Variants in MEIS2 observed in about 807,000 individuals in gnomAD.
MEIS2 encodes the protein Meis homeobox 2, also known as homeobox protein Meis2.
Under a neutral mutation model 58.6 loss-of-function variants are expected in MEIS2, and 9 were observed. That is an observed-to-expected ratio of 0.15 (90% CI 0.09 to 0.27). The LOEUF (loss-of-function observed/expected upper bound fraction) is 0.27, where lower values mean the gene tolerates loss of function less well. Ranked by LOEUF, MEIS2 falls within the 10% of genes least tolerant of loss-of-function variation. The probability of loss-of-function intolerance (pLI) is 1.00; values close to 1 mark genes in which losing one functional copy is unlikely to be tolerated. For synonymous variants in MEIS2, 221 were observed against 228.4 expected (o/e 0.97, Z 0.29); for missense variants, 427 against 635.0 (o/e 0.67, Z 3.52).
At chr15:36,995,706 TAAAAAAAAAAA>T (rs71821151) in intron 8 of MEIS2, among the ~76,000 whole-genome samples, 1 of 4,122 alleles carries the variant, frequency 2.4e-4, no homozygotes, top group Non-Finnish European at 3.8e-4. Context: ...TTACAGCTAC[TAAAAAAAAAAA>T]AAAAAAAAAA....
At chr15:37,017,446 G>C (rs1012083501) in intron 8 of MEIS2, among the ~76,000 whole-genome samples, 2 of 152,040 alleles carry the variant, frequency 1.3e-5, no homozygotes, top group Non-Finnish European at 2.9e-5. Context: ...TCTACTAAGA[G>C]TAAAACATTT....
chr15:37,005,312 G>C (rs1368965688), intron 8 of MEIS2, among the ~76,000 whole-genome samples: 1 of 152,150 alleles, frequency 6.6e-6, no homozygotes, highest in African/African-American at 2.4e-5. Flanking sequence ...GATAAAAAAC[G>C]AATATGAGAA....
At chr15:37,073,706 A>T (rs987955406) in intron 7 of MEIS2, among the ~76,000 whole-genome samples, 1 of 151,988 alleles carries the variant, frequency 6.6e-6, no homozygotes, top group Admixed American at 6.6e-5. Context: ...CATTTAGTAC[A>T]TGGAAATTTT....
chr15:37,077,422 G>T (rs1364263048), intron 7 of MEIS2, among the ~76,000 whole-genome samples: 9 of 152,166 alleles, frequency 5.9e-5, no homozygotes, highest in Admixed American at 5.2e-4. Context: ...TTCATGCTTT[G>T]ATTTTCTCCA....
chr15:37,005,769 G>C (rs890158894), intron 8 of MEIS2, among the ~76,000 whole-genome samples: 1 of 152,090 alleles, frequency 6.6e-6, no homozygotes, highest in African/African-American at 2.4e-5. Flanking sequence ...ATGTTGCCCA[G>C]GCTGGTCTCA....
At chr15:36,909,258 G>A (rs901674273) in intron 9 of MEIS2, among the ~76,000 whole-genome samples, 2 of 151,982 alleles carry the variant, frequency 1.3e-5, no homozygotes, top group African/African-American at 4.8e-5. Context: ...GCCCAACACA[G>A]TACTTATTCA....
chr15:37,004,075 T>A (rs1013463621), intron 8 of MEIS2, among the ~76,000 whole-genome samples: 4 of 152,226 alleles, frequency 2.6e-5, no homozygotes, highest in African/African-American at 4.8e-5. Flanking sequence ...TTTCCTTAAC[T>A]GACATGAGAA....
At chr15:36,961,584 A>G (rs534175971) in intron 8 of MEIS2, among the ~76,000 whole-genome samples, 1 of 152,296 alleles carries the variant, frequency 6.6e-6, no homozygotes, top group South Asian at 2.1e-4. Flanking sequence ...CATGCTGATA[A>G]TATGTTTATA....
intron 9 of MEIS2, among the ~76,000 whole-genome samples, chr15:36,926,722 A>G (rs545058158): frequency 2.6e-5 from 4 of 152,260 alleles, no homozygotes; most frequent in African/African-American, 9.6e-5. Context: ...TTGCTTTCCT[A>G]CTTTTGCATT....
intron 8 of MEIS2, among the ~76,000 whole-genome samples, chr15:36,986,673 A>G (rs999949517): frequency 6.6e-6 from 1 of 152,164 alleles, no homozygotes; most frequent in East Asian, 1.9e-4. Flanking sequence ...ACCGAGTCCC[A>G]ACTCCACAAG....
intron 7 of MEIS2, among the ~76,000 whole-genome samples, chr15:37,051,504 C>T (rs1179674074): frequency 7.2e-5 from 11 of 152,062 alleles, no homozygotes; most frequent in Admixed American, 6.6e-4. Flanking sequence ...GAAATTTTGG[C>T]GTAATGATGG....
chr15:37,050,504 A>T (rs551465144), intron 7 of MEIS2, among the ~76,000 whole-genome samples: 21 of 152,220 alleles, frequency 1.4e-4, no homozygotes, highest in Admixed American at 3.3e-4. Flanking sequence ...ATTAACTTGT[A>T]AGATACACTC....
rs545364081 is a variant in MEIS2, at chr15:36,891,399, C to T, written c.*774G>A. ...AAAGTCCTAGTTATGGTTCAATGAC[C>T]ATTAATAACTTTTTTTTGTGTTGAG... On this transcript the variant is annotated 3_prime_UTR_variant, in exon 12 of 12. Coordinates refer to ENST00000561208, the MANE Select transcript of MEIS2 (RefSeq NM_170675.5). 12 of 119,768 alleles carry T rather than the reference C, an allele frequency of 1.0e-4. No homozygotes were observed. Among genetic ancestry groups the T allele is most frequent in the African/African-American group, 4.1e-4 (12 of 29,300 alleles). 7.4% of individuals were successfully genotyped at this position (119,768 alleles called of 1,614,324 possible). A position where few individuals can be genotyped will look rare whatever the true frequency, so the allele number is the denominator to read the frequency against.
At chr15:37,051,997 A>T (rs1482046377) in intron 7 of MEIS2, among the ~76,000 whole-genome samples, 2 of 152,252 alleles carry the variant, frequency 1.3e-5, no homozygotes, top group East Asian at 3.9e-4. Flanking sequence ...AATACCGATA[A>T]TAACTTTGAA....
rs2058007735 is a variant in MEIS2 at position 36,932,194 on chromosome 15, T to C, written c.977+18130A>G. 2.6e-5 allele frequency among the ~76,000 whole-genome samples: 4 copies of C among 152,160 alleles called. No individual in the cohort carries two copies. The South Asian group carries it at 8.3e-4, about 32-fold the overall frequency. On this transcript the variant is annotated intron_variant, in intron 9 of 11. Transcript: ENST00000561208. ...GACTGAAATAGCATTTTGCTAAAAT[T>C]GATGTGCTGTTGGGTGGTGCCATTC...
intron 8 of MEIS2, among the ~76,000 whole-genome samples, chr15:36,982,230 A>G (rs374814603): frequency 5.3e-5 from 8 of 152,290 alleles, no homozygotes; most frequent in East Asian, 3.9e-4. Flanking sequence ...CAAGTGTACA[A>G]TACAGGATTA....
chr15:37,075,692 A>G (rs1354716557), intron 7 of MEIS2, among the ~76,000 whole-genome samples: 1 of 152,082 alleles, frequency 6.6e-6, no homozygotes, highest in Non-Finnish European at 1.5e-5. Flanking sequence ...GAGAGAGACT[A>G]GGAATCAAAT....
At chr15:36,970,479 G>C (rs539678083) in intron 8 of MEIS2, among the ~76,000 whole-genome samples, 103 of 151,500 alleles carry the variant, frequency 6.8e-4, no homozygotes, top group African/African-American at 2.4e-3. Flanking sequence ...GGAAATTAAA[G>C]AGCGCCAATA....
chr15:36,895,791 T>C lies in MEIS2; in HGVS notation c.1037-530A>G, dbSNP rs138793123. On this transcript the variant is annotated intron_variant, in intron 10 of 11. Coordinates refer to ENST00000561208, the MANE Select transcript of MEIS2 (RefSeq NM_170675.5). ...TTATGTTCTTCTCCCTAGCCTCCAA[T>C]AGTGGGAACATATTTTGGCGTTATT... 3.9e-3 allele frequency among the ~76,000 whole-genome samples: 591 copies of C among 152,312 alleles called. 3 individuals carry two copies. Among genetic ancestry groups the C allele is most frequent in the Admixed American group, 0.012 (185 of 15,304 alleles).
Sources: allele counts gnomAD v4.1 joint callset (sites outside exome capture counted in the v4.1 genomes callset), GRCh38; gene constraint gnomAD v4.1.1; transcripts MANE v1.5; gene names NCBI Gene and HGNC (gene_info 2026-07-23, HGNC 2026-07-21).